PLCG1: variants seen among roughly 807,000 people sequenced by gnomAD.
The protein encoded by PLCG1 is 1-phosphatidylinositol 4,5-bisphosphate phosphodiesterase gamma-1.
PLCG1 carries 71 observed loss-of-function variants against 177.8 expected under a neutral mutation model. The ratio of observed to expected loss-of-function variants is 0.40; its 90% CI spans 0.33 to 0.49. The LOEUF is 0.49. PLCG1 is among the 20% of genes least tolerant of loss of function. The probability of loss-of-function intolerance (pLI) is 0.72; values close to 1 mark genes in which losing one functional copy is unlikely to be tolerated. For synonymous variants in PLCG1, 658 were observed against 647.9 expected, an observed-to-expected ratio of 1.02 and a Z score of -0.24; for missense variants, 1,281 against 1,709.0, an observed-to-expected ratio of 0.75 and a Z score of 4.42.
rs779545050 is a variant in PLCG1, at chr20:41,174,234, C to T, written c.3756C>T (p.Ser1252=). 3 of 1,614,192 alleles carry T rather than the reference C, an allele frequency of 1.9e-6. No homozygotes were observed. The South Asian group carries it at 3.3e-5, about 18-fold the overall frequency. The change falls in exon 31 of 32, where the codon TCC becomes TCT. Residue 1252 remains serine (S), a synonymous_variant. Coordinates refer to ENST00000685551, the MANE Select transcript of PLCG1 (RefSeq NM_002660.3). The surrounding 1 kb of genome is among the most constrained non-coding windows in gnomAD (Gnocchi z 5.8). ...GAGCCCGGGAAGGCTCCTTTGAATC[C>T]CGCTACCAGCAGCCGTTTGAGGACT... ...HGRAREGSFE[S]RYQQPFEDFR... is the part of the protein sequence containing the mutation.
chr20:41,165,992 C>G lies in PLCG1; in HGVS notation c.1799+166C>G, dbSNP rs35612619. On this transcript the variant is annotated intron_variant, in intron 16 of 31. Coordinates refer to ENST00000685551, the MANE Select transcript of PLCG1 (RefSeq NM_002660.3). The surrounding 1 kb of genome is among the most constrained non-coding windows in gnomAD (Gnocchi z 6.6). ...TACACACACACACTCTCTGTCTCAC[C>G]CCCCCCCCATACCCCTCCCTTTTCG... 14 of 660,368 alleles carry G rather than the reference C, an allele frequency of 2.1e-5. No individual in the cohort carries two copies. Among genetic ancestry groups the G allele is most frequent in the Admixed American group, 6.1e-5 (2 of 32,780 alleles). The allele number at this position is 660,368 out of a possible 1,614,324, so 40.9% of individuals were successfully genotyped here. A position where few individuals can be genotyped will look rare whatever the true frequency, so the allele number is the denominator to read the frequency against.
In PLCG1 at chr20:41,167,833, C is replaced by T. The variant is rs55782046; in HGVS notation, c.2302-19C>T. On this transcript the variant is annotated intron_variant, in intron 19 of 31. Coordinates refer to ENST00000685551, the MANE Select transcript of PLCG1 (RefSeq NM_002660.3). This position sits in a 1 kb window ranked among gnomAD's most constrained non-coding sequence, Gnocchi z 4.4. ...TGGGCTCTGGGGCATTAACATATCCCATTGTGTCCTGTTTCCAGGAGCCTG... is the reference window on the plus strand; with the variant it reads ...TGGGCTCTGGGGCATTAACATATCCTATTGTGTCCTGTTTCCAGGAGCCTG... The T allele has an allele frequency of 4.7e-5, 75 of 1,581,878 alleles. No homozygotes were observed. The East Asian group carries it at 1.6e-3, about 34-fold the overall frequency.
chr20:41,141,752 C>A (rs184068100), intron 1 of PLCG1, among the ~76,000 whole-genome samples: 14 of 152,318 alleles, frequency 9.2e-5, no homozygotes, highest in Admixed American at 2.6e-4. Context: ...TTTCCAGGCC[C>A]CCCCGCCCAG....
Position 41,165,331 on chromosome 20 carries a change from GA to G in PLCG1, c.1475del (p.Asn492MetfsTer10). ...AGAACGACATCAGCAACTCTATCAA[GA>G]ATGGCATCCTCTACCTGGAGGACCC... ...SENDISNSIK[N>X]GILYLEDPVN... On this transcript the variant is annotated frameshift_variant, in exon 14 of 32. Transcript: ENST00000685551. LOFTEE classifies it high-confidence loss of function. This position sits in a 1 kb window ranked among gnomAD's most constrained non-coding sequence, Gnocchi z 6.6. The G allele has an allele frequency of 1.2e-6, 2 of 1,614,194 alleles. No individual in the cohort carries two copies. Among genetic ancestry groups the G allele is most frequent in the Non-Finnish European group, 1.7e-6 (2 of 1,180,022 alleles).
chr20:41,153,048 G>A lies in PLCG1; in HGVS notation c.218-6558G>A, dbSNP rs1388753607. ...CACACAGGCCTTGAGGGGTTCTGGG[G>A]TCCACAGGCCACAGGTGGGGGTAGT... On this transcript the variant is annotated intron_variant, in intron 1 of 31. Transcript: ENST00000685551. The surrounding 1 kb of genome is among the most constrained non-coding windows in gnomAD (Gnocchi z 5.1). 6.6e-6 allele frequency among the ~76,000 whole-genome samples: 1 copy of A among 152,180 alleles called. No homozygotes were observed. Among genetic ancestry groups the A allele is most frequent in the African/African-American group, 2.4e-5 (1 of 41,440 alleles).
At chr20:41,138,069 C>A (rs1000381163) in intron 1 of PLCG1, 84 of 382,794 alleles carry the variant, frequency 2.2e-4, no homozygotes, top group Non-Finnish European at 2.9e-4. Context: ...GGACACCCCC[C>A]CTCCCCCAGC....
rs1276867714 is a variant in PLCG1 at position 41,144,583 on chromosome 20, T to A, written c.217+6725T>A. Among the ~76,000 whole-genome samples the A allele has an allele frequency of 6.6e-6, 1 of 152,194 alleles. No homozygotes were observed. The highest frequency in any genetic ancestry group is 1.5e-5 in the Non-Finnish European group (1 of 68,034). On this transcript the variant is annotated intron_variant, in intron 1 of 31. Coordinates refer to ENST00000685551, the MANE Select transcript of PLCG1 (RefSeq NM_002660.3). The surrounding 1 kb of genome is among the most constrained non-coding windows in gnomAD (Gnocchi z 4.1). Reference sequence around the variant, plus strand: ...AGCCTCACCCTCTTGACTTTCTGGTTTGTGGTGACACTTCCGCCTAAGCTT... The same window carrying A: ...AGCCTCACCCTCTTGACTTTCTGGTATGTGGTGACACTTCCGCCTAAGCTT...
At position 41,176,276 on chromosome 20, in the gene PLCG1, G is replaced by C. The variant is rs1430876640; in HGVS notation, c.*1767G>C. 2 of 152,198 alleles carry C rather than the reference G, an allele frequency of 1.3e-5. No individual in the cohort carries two copies. Among genetic ancestry groups the C allele is most frequent in the East Asian group, 3.8e-4 (2 of 5,198 alleles). The allele number at this position is 152,198 out of a possible 1,614,324, so 9.4% of individuals were successfully genotyped here. On this transcript the variant is annotated 3_prime_UTR_variant, in exon 32 of 32. Transcript: ENST00000685551. The stretch of plus-strand genomic sequence containing the variant: ...TGATAGCCAGTATCAAACAGCGATA[G>C]TGCTCAGGTTCTTGTGTGACTTTCT...
In PLCG1 at chr20:41,137,738, A is replaced by G; in HGVS notation, c.97A>G (p.Thr33Ala). ...LHLCRSLEVGTVMTLFYSKKS... is the reference protein window; with the variant it reads ...LHLCRSLEVGAVMTLFYSKKS... ...CCTCTGCCGCAGCCTCGAGGTGGGC[A>G]CCGTCATGACTTTGTTCTACTCCAA... Residue 33 changes from threonine (T) to alanine (A), a missense_variant, in exon 1 of 32, where the codon ACC becomes GCC. Transcript: ENST00000685551. The surrounding 1 kb of genome is among the most constrained non-coding windows in gnomAD (Gnocchi z 7.3). 7.6e-7 allele frequency: 1 copy of G among 1,319,970 alleles called. No homozygotes were observed. Among genetic ancestry groups the G allele is most frequent in the Non-Finnish European group, 9.7e-7 (1 of 1,029,612 alleles). The allele number at this position is 1,319,970 out of a possible 1,614,324, so 81.8% of individuals were successfully genotyped here.
chr20:41,169,112 G>C lies in PLCG1; in HGVS notation c.2517G>C (p.Leu839=). Residue 839 remains leucine, a synonymous_variant, in exon 22 of 32, where the codon CTG becomes CTC. Transcript: ENST00000685551. ...WRGDYGGKKQ[L]WFPSNYVEEM... The stretch of plus-strand genomic sequence containing the variant: ...GGGACTACGGAGGGAAGAAGCAGCT[G>C]TGGTTCCCATCAAACTACGTGGAAG... 1 of 1,614,126 alleles carries C rather than the reference G, an allele frequency of 6.2e-7. No homozygotes were observed. The highest frequency in any genetic ancestry group is 8.5e-7 in the Non-Finnish European group (1 of 1,179,940).
chr20:41,167,602 G>T lies in PLCG1; in HGVS notation c.2302-250G>T. ...TAGCTCAGAAATACTTGGGAGTTTGGGCATTTAGGACCTGAGAGATTTTAG... is the reference window on the plus strand; with the variant it reads ...TAGCTCAGAAATACTTGGGAGTTTGTGCATTTAGGACCTGAGAGATTTTAG... On this transcript the variant is annotated intron_variant, in intron 19 of 31. Transcript: ENST00000685551. The surrounding 1 kb of genome is among the most constrained non-coding windows in gnomAD (Gnocchi z 4.4). 1 of 527,152 alleles carries T rather than the reference G, an allele frequency of 1.9e-6. No homozygotes were observed. The highest frequency in any genetic ancestry group is 3.4e-6 in the Non-Finnish European group (1 of 293,808). 32.7% of individuals were successfully genotyped at this position (527,152 alleles called of 1,614,324 possible).
chr20:41,162,833 C>T, intron 6 of PLCG1, 108 bp downstream of exon 6: 1 of 1,332,260 alleles, frequency 7.5e-7, no homozygotes, highest in Non-Finnish European at 1.1e-6. Context: ...TTTTGGGTGC[C>T]ATTTCTCCAG....
At position 41,137,778 on chromosome 20, in the gene PLCG1, C is replaced by A; in HGVS notation, c.137C>A (p.Pro46His). ...TLFYSKKSQRPERKTFQVKLE... is the reference protein window; with the variant it reads ...TLFYSKKSQRHERKTFQVKLE... ...TTCTACTCCAAGAAGTCGCAGCGAC[C>A]CGAGCGGAAGACCTTCCAGGTCAAG... The change falls in exon 1 of 32, where the codon CCC becomes CAC. Residue 46 changes from proline to histidine, a missense_variant. Physicochemically the swap from Pro to His is moderately conservative, Grantham distance 77. Transcript: ENST00000685551. The surrounding 1 kb of genome is among the most constrained non-coding windows in gnomAD (Gnocchi z 7.3). 7.7e-7 allele frequency: 1 copy of A among 1,297,858 alleles called. No homozygotes were observed. The highest frequency in any genetic ancestry group is 2.9e-5 in the East Asian group (1 of 33,922). 80.4% of individuals were successfully genotyped at this position (1,297,858 alleles called of 1,614,324 possible).
At chr20:41,142,687 C>T (rs890173644) in intron 1 of PLCG1, among the ~76,000 whole-genome samples, 1 of 152,160 alleles carries the variant, frequency 6.6e-6, no homozygotes, top group Admixed American at 6.5e-5. Flanking sequence ...GCTCTGTGAC[C>T]TTAAAGCATA....
At position 41,172,605 on chromosome 20, in the gene PLCG1, C is replaced by G; in HGVS notation, c.3090C>G (p.Ile1030Met). The change falls in exon 26 of 32, where the codon ATC becomes ATG. Residue 1030 changes from isoleucine (I) to methionine (M), a missense_variant. Coordinates refer to ENST00000685551, the MANE Select transcript of PLCG1 (RefSeq NM_002660.3). This position sits in a 1 kb window ranked among gnomAD's most constrained non-coding sequence, Gnocchi z 7.0. Reference protein sequence around the residue: ...SSNYDPLPMWICGSQLVALNF... With the variant: ...SSNYDPLPMWMCGSQLVALNF... Reference sequence around the variant, plus strand: ...ACTACGATCCTTTGCCCATGTGGATCTGTGGCAGTCAGCTTGTGGCCCTCA... The same window carrying G: ...ACTACGATCCTTTGCCCATGTGGATGTGTGGCAGTCAGCTTGTGGCCCTCA... The G allele has an allele frequency of 6.2e-7, 1 of 1,614,202 alleles. No homozygotes were observed.
chr20:41,169,086 G>C lies in PLCG1; in HGVS notation c.2491G>C (p.Gly831Arg). 6.2e-7 allele frequency: 1 copy of C among 1,613,412 alleles called. No individual in the cohort carries two copies. The highest frequency in any genetic ancestry group is 8.5e-7 in the Non-Finnish European group (1 of 1,179,330). Residue 831 changes from glycine to arginine, a missense_variant, in exon 22 of 32, where the codon GGG (glycine) becomes CGG (arginine). By Grantham distance (125) the Gly-to-Arg change is moderately radical. Transcript: ENST00000685551. ...VEKQEGGWWR[G>R]DYGGKKQLWF... is the part of the protein sequence containing the mutation. ...ACCCTGTGGCTCCCACAGGTGGCGA[G>C]GGGACTACGGAGGGAAGAAGCAGCT...
At position 41,174,143 on chromosome 20, in the gene PLCG1, G is replaced by T. The variant is rs1411286372; in HGVS notation, c.3665G>T (p.Ser1222Ile). The T allele has an allele frequency of 1.2e-6, 2 of 1,613,854 alleles. No homozygotes were observed. Among genetic ancestry groups the T allele is most frequent in the South Asian group, 2.2e-5 (2 of 91,084 alleles). ...FPAKQENGDL[S>I]PFSGTSLRER... Reference sequence around the variant, plus strand: ...TTGAAGCAGGAGAATGGTGACCTCAGTCCCTTCAGTGGTACGTCCCTGCGG... The same window carrying T: ...TTGAAGCAGGAGAATGGTGACCTCATTCCCTTCAGTGGTACGTCCCTGCGG... Residue 1222 changes from serine to isoleucine, a missense_variant, in exon 31 of 32, where the codon AGT becomes ATT. Ser to Ile is a moderately radical substitution (Grantham distance 142). Coordinates refer to ENST00000685551, the MANE Select transcript of PLCG1 (RefSeq NM_002660.3). The surrounding 1 kb of genome is among the most constrained non-coding windows in gnomAD (Gnocchi z 5.8).
chr20:41,154,485 C>G (rs2035258917), intron 1 of PLCG1, among the ~76,000 whole-genome samples: 1 of 152,222 alleles, frequency 6.6e-6, no homozygotes, highest in African/African-American at 2.4e-5. Context: ...TCCTGCTGTC[C>G]TTGAACTCTG....
rs372847328 is a variant in PLCG1, at chr20:41,164,100, G to A, written c.1116G>A (p.Pro372=). The change falls in exon 12 of 32, where the codon CCG becomes CCA. Residue 372 remains proline (P), a synonymous_variant. Coordinates refer to ENST00000685551, the MANE Select transcript of PLCG1 (RefSeq NM_002660.3). This position sits in a 1 kb window ranked among gnomAD's most constrained non-coding sequence, Gnocchi z 6.4. ...RCIELDCWDG[P]DGMPVIYHGH... ...CCCCAGTGGACTGCTGGGACGGCCCGGATGGGATGCCAGTTATTTACCATG... is the reference window on the plus strand; with the variant it reads ...CCCCAGTGGACTGCTGGGACGGCCCAGATGGGATGCCAGTTATTTACCATG... 9.5e-5 allele frequency: 153 copies of A among 1,614,136 alleles called. 2 individuals are homozygous for A. The highest frequency in any genetic ancestry group is 3.0e-4 in the South Asian group (27 of 91,074).
Sources: gnomAD v4.1 joint callset for allele counts (sites outside exome capture counted in the v4.1 genomes callset) on GRCh38, gnomAD v4.1.1 for gene constraint, Gnocchi (gnomAD v3.1) non-coding constraint, MANE v1.5 for transcripts, NCBI Gene and HGNC (gene_info 2026-07-23, HGNC 2026-07-21) for gene names.